Variants in PARD3 observed in about 807,000 individuals in gnomAD.
PARD3 encodes the protein par-3 family cell polarity regulator, also known as partitioning defective 3 homolog.
A neutral mutation model predicts 155.4 loss-of-function variants in PARD3; 75 were observed. That is an observed-to-expected ratio of 0.48 (90% CI 0.40 to 0.58). PARD3 has a LOEUF of 0.58. Among genes scored for constraint, PARD3 ranks in the 20% least tolerant of loss-of-function variants. PARD3 has a pLI of 0.00. For missense variants in PARD3, 1,642 were observed against 1,721.7 expected (o/e 0.95, Z 0.82); for synonymous variants, 576 against 610.5 (o/e 0.94, Z 0.83).
rs3040371 is a variant in PARD3, at chr10:34,383,390, T to TACACACACACACAC, written c.1017-482_1017-469dup. Among the ~76,000 whole-genome samples the TACACACACACACAC allele has an allele frequency of 5.1e-3, 763 of 150,244 alleles. 8 individuals carry two copies. Among genetic ancestry groups the TACACACACACACAC allele is most frequent in the African/African-American group, 0.016 (670 of 41,006 alleles). On this transcript the variant is annotated intron_variant, in intron 8 of 24. Coordinates refer to ENST00000374788, the MANE Select transcript of PARD3 (RefSeq NM_001184785.2). ...AGATGTGTATTTAAAATTTTTAAAA[T>TACACACACACACAC]ACACACACACACACACACACACTTA...
chr10:34,549,517 G>A (rs1452604219), intron 2 of PARD3, among the ~76,000 whole-genome samples: 1 of 152,108 alleles, frequency 6.6e-6, no homozygotes, highest in Non-Finnish European at 1.5e-5. Context: ...TTTGGCTGCT[G>A]ATTCCATTGA....
rs1339873707 is a variant in PARD3 at position 34,696,086 on chromosome 10, A to C, written c.222+232T>G. Among the ~76,000 whole-genome samples, 3 of 152,316 alleles carry C rather than the reference A, an allele frequency of 2.0e-5. No individual in the cohort carries two copies. In the South Asian group the frequency reaches 6.2e-4, roughly 32 times the overall value. ...TTTCCATTGTAAAAGTGTAGTTTTA[A>C]AACCCCAAAACCTAGTGTTAAGTCC... On this transcript the variant is annotated intron_variant, in intron 2 of 24. Transcript: ENST00000374788.
At chr10:34,510,894 TTATTGCATCTAAA>T in intron 3 of PARD3, among the ~76,000 whole-genome samples, 1 of 152,362 alleles carries the variant, frequency 6.6e-6, no homozygotes, top group East Asian at 1.9e-4. Flanking sequence ...TTCAATAACC[TTATTGCATCTAAA>T]TAATTCCTTA....
chr10:34,610,036 G>T (rs1176293860), intron 2 of PARD3, among the ~76,000 whole-genome samples: 3 of 152,148 alleles, frequency 2.0e-5, no homozygotes, highest in African/African-American at 7.2e-5. Flanking sequence ...TCAAAGTTCA[G>T]AATTTTATAC....
At chr10:34,257,062 G>GA (rs907324050) in intron 22 of PARD3, among the ~76,000 whole-genome samples, 7 of 152,108 alleles carry the variant, frequency 4.6e-5, no homozygotes, top group African/African-American at 1.4e-4. Flanking sequence ...ACCAATTGGG[G>GA]AAAAAATGGA....
intron 3 of PARD3, among the ~76,000 whole-genome samples, chr10:34,499,291 A>T (rs1162076598): frequency 4.6e-5 from 7 of 152,210 alleles, no homozygotes; most frequent in Non-Finnish European, 1.0e-4. Context: ...AAGATGGATG[A>T]TAAATTAAAA....
At chr10:34,665,891 AG>A (rs756988249) in intron 2 of PARD3, among the ~76,000 whole-genome samples, 3 of 150,180 alleles carry the variant, frequency 2.0e-5, no homozygotes, top group East Asian at 1.9e-4. Context: ...AGAACAGAAC[AG>A]AACAGAACAG....
At chr10:34,730,375 C>CT (rs2094795014) in intron 1 of PARD3, among the ~76,000 whole-genome samples, 1 of 152,084 alleles carries the variant, frequency 6.6e-6, no homozygotes, top group African/African-American at 2.4e-5. Flanking sequence ...TTTTCACCAA[C>CT]TTTAAACTGC....
chr10:34,702,312 C>T (rs1209434451), intron 1 of PARD3, among the ~76,000 whole-genome samples: 1 of 151,838 alleles, frequency 6.6e-6, no homozygotes, highest in African/African-American at 2.4e-5. Context: ...GCCATGACTG[C>T]GTCACTGCAT....
chr10:34,666,774 CCCTAAA>C (rs1251505097), intron 2 of PARD3, among the ~76,000 whole-genome samples: 360 of 3,554 alleles, frequency 0.1, 1 homozygote, highest in African/African-American at 0.12. Context: ...CTACCCCTCC[CCCTAAA>C]AAAAAAAAAA....
intron 1 of PARD3, among the ~76,000 whole-genome samples, chr10:34,750,498 C>T (rs1835879372): frequency 6.9e-6 from 1 of 144,976 alleles, no homozygotes; most frequent in South Asian, 2.1e-4. Context: ...CACACACACA[C>T]ACACACACAC....
intron 21 of PARD3, among the ~76,000 whole-genome samples, chr10:34,272,768 C>T (rs941598039): frequency 4.6e-5 from 7 of 152,020 alleles, no homozygotes; most frequent in African/African-American, 1.7e-4. Flanking sequence ...AAACAAACCC[C>T]TGAAACCTCA....
At chr10:34,150,421 A>G (rs1948722324) in intron 22 of PARD3, among the ~76,000 whole-genome samples, 1 of 152,240 alleles carries the variant, frequency 6.6e-6, no homozygotes, top group Non-Finnish European at 1.5e-5. Flanking sequence ...GGCTGGAGAT[A>G]TATGATAAAC....
chr10:34,521,382 AAG>A (rs1171433289), intron 2 of PARD3, among the ~76,000 whole-genome samples: 2 of 150,916 alleles, frequency 1.3e-5, no homozygotes, highest in African/African-American at 2.4e-5. Flanking sequence ...AAAAAAAAAA[AAG>A]GTGGGGGGAA....
intron 1 of PARD3, among the ~76,000 whole-genome samples, chr10:34,702,047 C>A (rs2094289473): frequency 6.6e-6 from 1 of 152,018 alleles, no homozygotes; most frequent in Non-Finnish European, 1.5e-5. Context: ...CACCTGTAAT[C>A]CCACCTACTC....
intron 4 of PARD3, among the ~76,000 whole-genome samples, chr10:34,462,353 T>A (rs1589663510): frequency 1.3e-5 from 2 of 151,938 alleles, no homozygotes; most frequent in Admixed American, 1.3e-4. Context: ...GATAAACAAC[T>A]TCTTCTCAGC....
intron 3 of PARD3, among the ~76,000 whole-genome samples, chr10:34,472,587 T>C (rs1485365664): frequency 6.6e-6 from 1 of 152,174 alleles, no homozygotes; most frequent in African/African-American, 2.4e-5. Context: ...ATTACAGGGT[T>C]AGTTATTCAG....
chr10:34,724,563 G>A (rs2094666115), intron 1 of PARD3, among the ~76,000 whole-genome samples: 1 of 152,114 alleles, frequency 6.6e-6, no homozygotes, highest in Non-Finnish European at 1.5e-5. Flanking sequence ...TATGATCACA[G>A]TAAACATAGC....
At chr10:34,425,023 G>A (rs1269916859) in intron 5 of PARD3, among the ~76,000 whole-genome samples, 1 of 151,956 alleles carries the variant, frequency 6.6e-6, no homozygotes, top group African/African-American at 2.4e-5. Context: ...TACTGACATT[G>A]CTGTGAGCCA....
Sources: gnomAD v4.1 joint callset for allele counts (sites outside exome capture counted in the v4.1 genomes callset) on GRCh38, gnomAD v4.1.1 for gene constraint, MANE v1.5 for transcripts, NCBI Gene and HGNC (gene_info 2026-07-23, HGNC 2026-07-21) for gene names.